The following JADE1 variants were observed in gnomAD, a reference collection of about 807,000 sequenced individuals.
JADE1 encodes jade family PHD finger 1, also known as protein Jade-1.
A neutral mutation model predicts 81.8 loss-of-function variants in JADE1; 14 were observed. The observed-to-expected ratio is 0.17, with a 90% CI of 0.11 to 0.27. JADE1 has a LOEUF of 0.27. Among genes scored for constraint, JADE1 ranks in the 10% least tolerant of loss-of-function variants. The pLI is 1.00. For synonymous variants in JADE1, 353 were observed against 391.9 expected, an observed-to-expected ratio of 0.90 and a Z score of 1.17; for missense variants, 690 against 1,047.9, an observed-to-expected ratio of 0.66 and a Z score of 4.71.
chr4:128,863,598 C>G, intron 9 of JADE1: 2 of 985,388 alleles, frequency 2.0e-6, no homozygotes, highest in Non-Finnish European at 2.4e-6. Context: ...CTGGGAAGGC[C>G]GCGGATTCCG....
Position 128,841,316 on chromosome 4 carries a change from G to A in JADE1, c.53-1637G>A, listed in dbSNP as rs543064112. Among the ~76,000 whole-genome samples, 3 of 152,294 alleles carry A rather than the reference G, an allele frequency of 2.0e-5. No individual in the cohort carries two copies. The East Asian group carries it at 5.8e-4, about 29-fold the overall frequency. On this transcript the variant is annotated intron_variant, in intron 2 of 10. Transcript: ENST00000226319. ...AATACTACATGTGGGTGTTAGGGTT[G>A]TTTCAGATCTCTGGCAGCAGTACGG...
chr4:128,853,770 A>G (rs976138104), intron 6 of JADE1, among the ~76,000 whole-genome samples: 2 of 152,244 alleles, frequency 1.3e-5, no homozygotes, highest in Non-Finnish European at 2.9e-5. Flanking sequence ...CGTTTGCTCC[A>G]TGAAGTTCTT....
At chr4:128,843,123 G>A in intron 3 of JADE1, 85 bp downstream of exon 3, 1 of 1,088,504 alleles carries the variant, frequency 9.2e-7, no homozygotes, top group Non-Finnish European at 1.3e-6. Flanking sequence ...GTGCAGTCCT[G>A]GGCAAATTAT....
At chr4:128,857,495 C>CTCCCCACCACGCAGGAAA in intron 8 of JADE1, 41 bp downstream of exon 8, 7 of 1,468,132 alleles carry the variant, frequency 4.8e-6, no homozygotes, top group Non-Finnish European at 6.7e-6. Flanking sequence ...TCCTTTCCTG[C>CTCCCCACCACGCAGGAAA]GTGGTGGGGA....
chr4:128,846,191 A>T lies in JADE1; in HGVS notation c.139-184A>T, dbSNP rs1052028169. Among the ~76,000 whole-genome samples the T allele has an allele frequency of 6.6e-6, 1 of 151,964 alleles. No individual in the cohort carries two copies. The highest frequency in any genetic ancestry group is 1.5e-5 in the Non-Finnish European group (1 of 67,978). Reference sequence around the variant, plus strand: ...AGGGCAGTGTTCCCTCAGCACTGCCACCCCCCATGCCTGAGTGAGGTAAAA... The same window carrying T: ...AGGGCAGTGTTCCCTCAGCACTGCCTCCCCCCATGCCTGAGTGAGGTAAAA... On this transcript the variant is annotated intron_variant, in intron 3 of 10. Transcript: ENST00000226319. The surrounding 1 kb of genome is among the most constrained non-coding windows in gnomAD (Gnocchi z 4.0).
At chr4:128,838,533 C>G (rs913096058) in intron 2 of JADE1, among the ~76,000 whole-genome samples, 1 of 152,138 alleles carries the variant, frequency 6.6e-6, no homozygotes, top group Non-Finnish European at 1.5e-5. Flanking sequence ...AAACAAAATG[C>G]AAACCAACCC....
chr4:128,861,573 C>G, intron 8 of JADE1, 131 bp from the exon 9 acceptor site: 1 of 1,051,516 alleles, frequency 9.5e-7, no homozygotes, highest in Non-Finnish European at 1.4e-6. Flanking sequence ...GTACAACTTT[C>G]CTGTCATGGC....
intron 2 of JADE1, among the ~76,000 whole-genome samples, chr4:128,834,933 C>T (rs1197588227): frequency 6.6e-6 from 1 of 151,696 alleles, no homozygotes; most frequent in African/African-American, 2.4e-5. Context: ...ATTGCTTGAG[C>T]CCAGGAATTG....
At chr4:128,847,391 G>C (rs868797269) in intron 4 of JADE1, among the ~76,000 whole-genome samples, 6 of 152,282 alleles carry the variant, frequency 3.9e-5, no homozygotes, top group Middle Eastern at 6.8e-3. Context: ...TATCAAATTT[G>C]AGTTGTCATT....
At chr4:128,838,475 G>A (rs1729158155) in intron 2 of JADE1, among the ~76,000 whole-genome samples, 1 of 152,094 alleles carries the variant, frequency 6.6e-6, no homozygotes, top group Admixed American at 6.5e-5. Flanking sequence ...AATTTTACTC[G>A]TCATGTGCTT....
rs1390501507 is a variant in JADE1 at position 128,820,310 on chromosome 4, C to T, written c.-27+10433C>T. Among the ~76,000 whole-genome samples, 5 of 152,014 alleles carry T rather than the reference C, an allele frequency of 3.3e-5. No homozygotes were observed. In the East Asian group the frequency reaches 9.7e-4, roughly 29 times the overall value. On this transcript the variant is annotated intron_variant, in intron 1 of 10. Transcript: ENST00000226319. ...TATTTTTGGTAGAGGCAGGGTTTCA[C>T]CATATTGGTCAGGCTGGTCTTGAAC...
At chr4:128,848,500 CCT>C (rs1005151371) in intron 4 of JADE1, among the ~76,000 whole-genome samples, 8 of 152,152 alleles carry the variant, frequency 5.3e-5, no homozygotes, top group Non-Finnish European at 1.0e-4. Flanking sequence ...TTTTCTTTTC[CCT>C]CTCTCCCTCT....
intron 1 of JADE1, among the ~76,000 whole-genome samples, chr4:128,822,282 G>A (rs1425848925): frequency 2.6e-5 from 4 of 152,160 alleles, no homozygotes; most frequent in Non-Finnish European, 4.4e-5. Context: ...CAGGAGAATC[G>A]CTTGAATCCG....
chr4:128,842,387 C>T (rs115075256), intron 2 of JADE1, among the ~76,000 whole-genome samples: 2,639 of 151,916 alleles, frequency 0.017, 33 homozygotes, highest in Non-Finnish European at 0.027. Flanking sequence ...TCAGCCTCTG[C>T]CTCCTAGGTT....
intron 1 of JADE1, among the ~76,000 whole-genome samples, chr4:128,822,413 G>A (rs1203551142): frequency 1.3e-5 from 2 of 152,058 alleles, no homozygotes; most frequent in East Asian, 1.9e-4. Flanking sequence ...CACAATCATC[G>A]TAAAAAGTTA....
At chr4:128,857,947 A>G (rs73850015) in intron 8 of JADE1, among the ~76,000 whole-genome samples, 3,807 of 152,232 alleles carry the variant, frequency 0.025, 165 homozygotes, top group African/African-American at 0.086. Flanking sequence ...GGGACATGCT[A>G]ATGCATTTGC....
chr4:128,859,888 T>A (rs1731179838), intron 8 of JADE1, among the ~76,000 whole-genome samples: 1 of 152,244 alleles, frequency 6.6e-6, no homozygotes, highest in South Asian at 2.1e-4. Flanking sequence ...TGGATTGATT[T>A]TATTAAAAGA....
chr4:128,871,729 T>C lies in JADE1; in HGVS notation c.1996T>C (p.Cys666Arg), dbSNP rs1241646252. 4 of 1,614,068 alleles carry C rather than the reference T, an allele frequency of 2.5e-6. No homozygotes were observed. Among genetic ancestry groups the C allele is most frequent in the Non-Finnish European group, 3.4e-6 (4 of 1,180,032 alleles). Residue 666 changes from cysteine (C) to arginine (R), a missense_variant, in exon 11 of 11, where the codon TGT becomes CGT. By Grantham distance (180) the Cys-to-Arg change is radical. Coordinates refer to ENST00000226319, the MANE Select transcript of JADE1 (RefSeq NM_199320.4). The surrounding 1 kb of genome is among the most constrained non-coding windows in gnomAD (Gnocchi z 4.1). ...GAAAAGAAGAGACAATCGTTTTCAT[T>C]GTGATCTCATTAAAGGAGACTTAAA... is the stretch of plus-strand genomic sequence containing the variant. ...HGKRRDNRFH[C>R]DLIKGDLKDK...
At chr4:128,866,079 G>A (rs1219688533) in intron 9 of JADE1, among the ~76,000 whole-genome samples, 1 of 152,174 alleles carries the variant, frequency 6.6e-6, no homozygotes, top group African/African-American at 2.4e-5. Context: ...TCCCCTGGGT[G>A]GAACAATATC....
Sources: allele counts gnomAD v4.1 joint callset (sites outside exome capture counted in the v4.1 genomes callset), GRCh38; gene constraint gnomAD v4.1.1; non-coding constraint Gnocchi (gnomAD v3.1); transcripts MANE v1.5; gene names NCBI Gene and HGNC (gene_info 2026-07-23, HGNC 2026-07-21).